The following B3GALT9 variants were observed in gnomAD, a reference collection of about 807,000 sequenced individuals.
The protein encoded by B3GALT9 is UDP-GlcNAc:betaGal beta-1,3-N-acetylglucosaminyltransferase 10 (putative).
At position 120,801,307 on chromosome 9, in the gene B3GALT9, C is replaced by T. The variant is rs2044968028; in HGVS notation, c.*1629C>T. Among the ~76,000 whole-genome samples, 1 of 152,148 alleles carries T rather than the reference C, an allele frequency of 6.6e-6. No individual in the cohort carries two copies. Among genetic ancestry groups the T allele is most frequent in the South Asian group, 2.1e-4 (1 of 4,834 alleles). On this transcript the variant is annotated 3_prime_UTR_variant, in exon 3 of 3. Coordinates refer to ENST00000689072, the MANE Select transcript of B3GALT9 (RefSeq NM_001386823.1). ...CCATAATGGCTGTATTATTGGTTTA[C>T]CATAATGGCTCATTGTGGTTTTACT...
rs1421977075 is a variant in B3GALT9 at position 120,801,631 on chromosome 9, G to A, written c.*1953G>A. Among the ~76,000 whole-genome samples the A allele has an allele frequency of 6.6e-6, 1 of 152,142 alleles. No individual in the cohort carries two copies. Among genetic ancestry groups the A allele is most frequent in the African/African-American group, 2.4e-5 (1 of 41,426 alleles). Reference sequence around the variant, plus strand: ...GGTACGTGCCTGTAATCCCAGCTACGCGGGAGGCTGACACAGGAAAATCGC... The same window carrying A: ...GGTACGTGCCTGTAATCCCAGCTACACGGGAGGCTGACACAGGAAAATCGC... On this transcript the variant is annotated 3_prime_UTR_variant, in exon 3 of 3. Coordinates refer to ENST00000689072, the MANE Select transcript of B3GALT9 (RefSeq NM_001386823.1).
chr9:120,794,472 G>A (rs2044919840), intron 1 of B3GALT9, among the ~76,000 whole-genome samples: 1 of 151,666 alleles, frequency 6.6e-6, no homozygotes, highest in African/African-American at 2.4e-5. Flanking sequence ...CTGAGTAGAA[G>A]GGACCACAGG....
chr9:120,798,212 T>C (rs142313481), intron 2 of B3GALT9, among the ~76,000 whole-genome samples: 1 of 152,360 alleles, frequency 6.6e-6, no homozygotes, highest in East Asian at 1.9e-4. Context: ...GTGATACCAC[T>C]TGTTAAGTTA....
rs572185237 is a variant in B3GALT9 at position 120,797,160 on chromosome 9, GAGAA to G, written c.6+559_6+562del. Among the ~76,000 whole-genome samples the G allele has an allele frequency of 1.0e-3, 153 of 149,262 alleles. 1 individual carries two copies. The highest frequency in any genetic ancestry group is 3.4e-3 in the Middle Eastern group (1 of 292). On this transcript the variant is annotated intron_variant, in intron 2 of 2. Transcript: ENST00000689072. ...AAGAGAAAGAAAGAAAAGAAAGAAA[GAGAA>G]AGAAAGAGATAAGTAAAGATAGGAA... is the stretch of plus-strand genomic sequence containing the variant.
Position 120,799,800 on chromosome 9 carries a change from A to G in B3GALT9, c.*122A>G. 2.5e-6 allele frequency: 1 copy of G among 396,952 alleles called. No individual in the cohort carries two copies. The highest frequency in any genetic ancestry group is 4.4e-6 in the Non-Finnish European group (1 of 225,720). 24.6% of individuals were successfully genotyped at this position (396,952 alleles called of 1,614,324 possible). On this transcript the variant is annotated 3_prime_UTR_variant, in exon 3 of 3. Coordinates refer to ENST00000689072, the MANE Select transcript of B3GALT9 (RefSeq NM_001386823.1). ...TCTGAATCTTTAATTTTATTTGCAA[A>G]GGTACAAAATGTTTTCTGTGCTCTG...
rs2131407589 is a variant in B3GALT9, at chr9:120,801,228, T to G, written c.*1550T>G. 6.6e-6 allele frequency among the ~76,000 whole-genome samples: 1 copy of G among 152,348 alleles called. No homozygotes were observed. The highest frequency in any genetic ancestry group is 1.9e-4 in the East Asian group (1 of 5,192). On this transcript the variant is annotated 3_prime_UTR_variant, in exon 3 of 3. Coordinates refer to ENST00000689072, the MANE Select transcript of B3GALT9 (RefSeq NM_001386823.1). ...TAATATCTTTTGGATATATTTCCAGTAGCGGAATTGCTAGATTGTGTGGCA... is the reference window on the plus strand; with the variant it reads ...TAATATCTTTTGGATATATTTCCAGGAGCGGAATTGCTAGATTGTGTGGCA...
At chr9:120,797,828 T>C (rs1387066763) in intron 2 of B3GALT9, among the ~76,000 whole-genome samples, 1 of 152,236 alleles carries the variant, frequency 6.6e-6, no homozygotes, top group Non-Finnish European at 1.5e-5. Context: ...GGCTCTGTTA[T>C]ACTACAATTC....
Position 120,798,698 on chromosome 9 carries a change from A to G in B3GALT9, c.130A>G (p.Ile44Val). The G allele has an allele frequency of 2.5e-6, 1 of 399,236 alleles. No individual in the cohort carries two copies. The highest frequency in any genetic ancestry group is 4.4e-6 in the Non-Finnish European group (1 of 226,100). The allele number at this position is 399,236 out of a possible 1,614,324, so 24.7% of individuals were successfully genotyped here. A position where few individuals can be genotyped will look rare whatever the true frequency, so the allele number is the denominator to read the frequency against. Reference protein sequence around the residue: ...EEYFLHSLPYIDVKVLEIKNK... With the variant: ...EEYFLHSLPYVDVKVLEIKNK... ...ATACTTTCTGCATTCTTTGCCTTAT[A>G]TAGATGTGAAAGTTCTTGAAATTAA... Residue 44 changes from isoleucine to valine, a missense_variant, in exon 3 of 3, where the codon ATA (isoleucine) becomes GTA (valine). Coordinates refer to ENST00000689072, the MANE Select transcript of B3GALT9 (RefSeq NM_001386823.1).
rs5900461 is a variant in B3GALT9 at position 120,799,950 on chromosome 9, G to GT, written c.*284dup. Reference sequence around the variant, plus strand: ...ATGTTTCATTGTTTATTTAGTTTTCGTTTTTTTTTTTTCTTTTGAGACAGG... The same window carrying GT: ...ATGTTTCATTGTTTATTTAGTTTTCGTTTTTTTTTTTTTCTTTTGAGACAGG... On this transcript the variant is annotated 3_prime_UTR_variant, in exon 3 of 3. Transcript: ENST00000689072. 0.72 allele frequency: 122,586 copies of GT among 170,520 alleles called. 43,195 individuals are homozygous for GT. Among genetic ancestry groups the GT allele is most frequent in the South Asian group, 0.88 (4,293 of 4,888 alleles). The allele number at this position is 170,520 out of a possible 1,614,324, so 10.6% of individuals were successfully genotyped here.
At chr9:120,798,257 T>A (rs752106492) in intron 2 of B3GALT9, among the ~76,000 whole-genome samples, 8 of 152,232 alleles carry the variant, frequency 5.3e-5, no homozygotes, top group Non-Finnish European at 1.0e-4. Flanking sequence ...TTCTTGGTAA[T>A]CCCAATGTCC....
At position 120,793,906 on chromosome 9, in the gene B3GALT9, G is replaced by T; in HGVS notation, c.-198G>T. On this transcript the variant is annotated 5_prime_UTR_variant, in exon 1 of 3. Coordinates refer to ENST00000689072, the MANE Select transcript of B3GALT9 (RefSeq NM_001386823.1). ...CAGATAAACTAAGGCTCGTGCAAAG[G>T]AGAAAAATAAAGCAAGGTAAGGAGG... is the stretch of plus-strand genomic sequence containing the variant. 2.8e-6 allele frequency: 1 copy of T among 359,876 alleles called. No individual in the cohort carries two copies. The highest frequency in any genetic ancestry group is 4.9e-6 in the Non-Finnish European group (1 of 202,460). 22.3% of individuals were successfully genotyped at this position (359,876 alleles called of 1,614,324 possible).
intron 1 of B3GALT9, among the ~76,000 whole-genome samples, chr9:120,794,442 G>A (rs915476153): frequency 2.6e-5 from 4 of 151,580 alleles, no homozygotes; most frequent in Non-Finnish European, 5.9e-5. Flanking sequence ...AGGCTCAAGC[G>A]ATCCTCCCAC....
chr9:120,796,718 A>T (rs1343782011), intron 2 of B3GALT9, 109 bp downstream of exon 2: 2 of 152,210 alleles, frequency 1.3e-5, no homozygotes, highest in African/African-American at 2.4e-5. Flanking sequence ...AGTTCAGATT[A>T]TAATTGCTGG....
chr9:120,797,133 GAA>G (rs2044944500), intron 2 of B3GALT9, among the ~76,000 whole-genome samples: 1 of 149,902 alleles, frequency 6.7e-6, no homozygotes, highest in East Asian at 1.9e-4. Flanking sequence ...AAGAGAGAAA[GAA>G]AGAGAAAGAA....
At position 120,801,674 on chromosome 9, in the gene B3GALT9, A is replaced by AG. The variant is rs2044969877; in HGVS notation, c.*1998dup. Among the ~76,000 whole-genome samples, 2 of 152,224 alleles carry AG rather than the reference A, an allele frequency of 1.3e-5. No homozygotes were observed. The highest frequency in any genetic ancestry group is 1.3e-4 in the Admixed American group (2 of 15,280). On this transcript the variant is annotated 3_prime_UTR_variant, in exon 3 of 3. Coordinates refer to ENST00000689072, the MANE Select transcript of B3GALT9 (RefSeq NM_001386823.1). ...AAAATCGCTTGAATCCAGGAGGTGGAGGTTGCAGTGAGCCGAGATCATGCC... is the reference window on the plus strand; with the variant it reads ...AAAATCGCTTGAATCCAGGAGGTGGAGGGTTGCAGTGAGCCGAGATCATGCC...
chr9:120,795,672 G>C (rs779354550), intron 1 of B3GALT9, among the ~76,000 whole-genome samples: 1 of 152,178 alleles, frequency 6.6e-6, no homozygotes, highest in African/African-American at 2.4e-5. Context: ...TGTTGTAAAT[G>C]GCAGATAGGA....
Position 120,801,751 on chromosome 9 carries a change from T to C in B3GALT9, c.*2073T>C, listed in dbSNP as rs867823153. The stretch of plus-strand genomic sequence containing the variant: ...TGAGACTCTATCTCAAAAAACAAAA[T>C]AAAATAAAATAAATAAAGTGATTTG... On this transcript the variant is annotated 3_prime_UTR_variant, in exon 3 of 3. Coordinates refer to ENST00000689072, the MANE Select transcript of B3GALT9 (RefSeq NM_001386823.1). Among the ~76,000 whole-genome samples, 28 of 151,918 alleles carry C rather than the reference T, an allele frequency of 1.8e-4. No homozygotes were observed. The highest frequency in any genetic ancestry group is 1.7e-3 in the Admixed American group (26 of 15,258).
chr9:120,794,382 G>C (rs2044918814), intron 1 of B3GALT9, among the ~76,000 whole-genome samples: 1 of 151,274 alleles, frequency 6.6e-6, no homozygotes, highest in South Asian at 2.1e-4. Flanking sequence ...CTGTCGCCCA[G>C]GCTGGAGTAC....
Position 120,799,059 on chromosome 9 carries a change from C to A in B3GALT9, c.491C>A (p.Ala164Glu), listed in dbSNP as rs569233243. ...GAGAACCAAACCCTGAAGATCATTG[C>A]AATGATACAGTGGGCTGTGGCTTTC... ...SSENQTLKII[A>E]MIQWAVAFCP... Residue 164 changes from alanine (A) to glutamate (E), a missense_variant, in exon 3 of 3, where the codon GCA becomes GAA. Coordinates refer to ENST00000689072, the MANE Select transcript of B3GALT9 (RefSeq NM_001386823.1). The A allele has an allele frequency of 1.5e-5, 6 of 399,072 alleles. No individual in the cohort carries two copies. Among genetic ancestry groups the A allele is most frequent in the African/African-American group, 1.2e-4 (6 of 48,756 alleles). 24.7% of individuals were successfully genotyped at this position (399,072 alleles called of 1,614,324 possible).
Sources: allele counts gnomAD v4.1 joint callset (sites outside exome capture counted in the v4.1 genomes callset), GRCh38; gene constraint gnomAD v4.1.1; transcripts MANE v1.5; gene names NCBI Gene and HGNC (gene_info 2026-07-23, HGNC 2026-07-21).